The following NR2F1-AS1 variants were observed in gnomAD, a reference collection of about 807,000 sequenced individuals.
NR2F1-AS1 encodes NR2F1 antisense RNA 1.
At chr5:93,435,595 G>C (rs1749416750) in intron 4 of NR2F1-AS1, among the ~76,000 whole-genome samples, 1 of 152,136 alleles carries the variant, frequency 6.6e-6, no homozygotes, top group South Asian at 2.1e-4. Context: ...GCAAACTACT[G>C]GGTATGCTCC....
intron 4 of NR2F1-AS1, among the ~76,000 whole-genome samples, chr5:93,482,843 C>A (rs1268206477): frequency 1.3e-5 from 2 of 152,316 alleles, no homozygotes; most frequent in African/African-American, 4.8e-5. Flanking sequence ...TGGGAAGTTC[C>A]AACTGGGCAG....
At chr5:93,529,663 A>G (rs1044495757) in intron 4 of NR2F1-AS1, among the ~76,000 whole-genome samples, 9 of 152,118 alleles carry the variant, frequency 5.9e-5, no homozygotes, top group African/African-American at 1.9e-4. Context: ...CTTGTTCTCA[A>G]TTCAAACCCA....
intron 4 of NR2F1-AS1, among the ~76,000 whole-genome samples, chr5:93,513,342 T>C (rs1032676515): frequency 2.6e-5 from 4 of 152,288 alleles, no homozygotes; most frequent in African/African-American, 9.6e-5. Flanking sequence ...TAAACTGTTC[T>C]ACCAAAAAGA....
chr5:93,499,825 GC>G (rs1303371594), intron 4 of NR2F1-AS1, among the ~76,000 whole-genome samples: 2 of 152,162 alleles, frequency 1.3e-5, no homozygotes, highest in African/African-American at 4.8e-5. Flanking sequence ...TGATAAGAAA[GC>G]AAAACAGCCT....
At chr5:93,508,962 G>A (rs1751241415) in intron 4 of NR2F1-AS1, among the ~76,000 whole-genome samples, 1 of 152,002 alleles carries the variant, frequency 6.6e-6, no homozygotes, top group African/African-American at 2.4e-5. Context: ...GCTACATCAG[G>A]CAAAGTTGAT....
Position 93,421,395 on chromosome 5 carries a change from G to A in NR2F1-AS1, n.639-25853C>T, listed in dbSNP as rs144257327. On this transcript the variant is annotated intron_variant and non_coding_transcript_variant, in intron 4 of 5. Coordinates refer to ENST00000660523, the Ensembl canonical transcript of NR2F1-AS1. ...AAAAAAAAAAAGAGGGAAAAGCTTC[G>A]TATTTTTCAACAGTCCCCAAAGTTA... 2.1e-3 allele frequency among the ~76,000 whole-genome samples: 318 copies of A among 150,950 alleles called. 3 individuals are homozygous for A. Among genetic ancestry groups the A allele is most frequent in the Admixed American group, 4.9e-3 (75 of 15,158 alleles).
At chr5:93,499,606 G>A (rs928371408) in intron 4 of NR2F1-AS1, among the ~76,000 whole-genome samples, 26 of 151,886 alleles carry the variant, frequency 1.7e-4, no homozygotes, top group African/African-American at 6.3e-4. Context: ...CTCTCTCCTT[G>A]GGCCTCCCTA....
At chr5:93,545,126 G>C (rs1319461956) in intron 4 of NR2F1-AS1, among the ~76,000 whole-genome samples, 1 of 152,036 alleles carries the variant, frequency 6.6e-6, no homozygotes, top group Admixed American at 6.6e-5. Flanking sequence ...GAAGCAGGGA[G>C]GAACACTTAA....
intron 4 of NR2F1-AS1, among the ~76,000 whole-genome samples, chr5:93,446,930 C>T (rs999845725): frequency 1.3e-5 from 2 of 152,038 alleles, no homozygotes; most frequent in African/African-American, 4.8e-5. Flanking sequence ...TTTGACAAAC[C>T]TGACAAAAAC....
chr5:93,495,272 T>C (rs1021054475), intron 4 of NR2F1-AS1, among the ~76,000 whole-genome samples: 1 of 152,192 alleles, frequency 6.6e-6, no homozygotes, highest in Non-Finnish European at 1.5e-5. Context: ...TTTACATACA[T>C]GTGGTTGTTC....
At position 93,440,231 on chromosome 5, in the gene NR2F1-AS1, C is replaced by T. The variant is rs549723280; in HGVS notation, n.639-44689G>A. Among the ~76,000 whole-genome samples, 39 of 152,150 alleles carry T rather than the reference C, an allele frequency of 2.6e-4. No homozygotes were observed. In the South Asian group the frequency reaches 6.0e-3, roughly 24 times the overall value. The stretch of plus-strand genomic sequence containing the variant: ...TCTCTCTCTCTCTCACACACACACA[C>T]ACACAGAGAAAGTTAATTTTATGTA... On this transcript the variant is annotated intron_variant and non_coding_transcript_variant, in intron 4 of 5. Transcript: ENST00000660523.
At chr5:93,490,906 T>C (rs1455042968) in intron 4 of NR2F1-AS1, among the ~76,000 whole-genome samples, 1 of 146,498 alleles carries the variant, frequency 6.8e-6, no homozygotes, top group Non-Finnish European at 1.5e-5. Context: ...GTGGTAGTGG[T>C]GGTGGTGATG....
chr5:93,421,949 C>T (rs1488093342), intron 4 of NR2F1-AS1, among the ~76,000 whole-genome samples: 1 of 152,188 alleles, frequency 6.6e-6, no homozygotes, highest in Admixed American at 6.5e-5. Flanking sequence ...AGAAGCTTCA[C>T]ACTGAATCTT....
At chr5:93,419,719 GGTTTCTAAA>G (rs1316587060) in intron 4 of NR2F1-AS1, among the ~76,000 whole-genome samples, 2 of 152,182 alleles carry the variant, frequency 1.3e-5, no homozygotes, top group Non-Finnish European at 1.5e-5. Flanking sequence ...TATGTGTTGA[GGTTTCTAAA>G]GGATTCTGCA....
intron 4 of NR2F1-AS1, among the ~76,000 whole-genome samples, chr5:93,529,688 T>C (rs2149899616): frequency 1.3e-5 from 2 of 152,250 alleles, no homozygotes; most frequent in Admixed American, 1.3e-4. Context: ...GATACTGTAG[T>C]AAAACTCTAA....
intron 4 of NR2F1-AS1, among the ~76,000 whole-genome samples, chr5:93,499,161 A>T (rs578077076): frequency 6.6e-6 from 1 of 152,310 alleles, no homozygotes; most frequent in Non-Finnish European, 1.5e-5. Flanking sequence ...TTTTAATTAT[A>T]AGATACATCC....
chr5:93,522,902 C>T (rs1442145291), intron 4 of NR2F1-AS1, among the ~76,000 whole-genome samples: 1 of 152,048 alleles, frequency 6.6e-6, no homozygotes, highest in Non-Finnish European at 1.5e-5. Flanking sequence ...GGGTTTCAAG[C>T]ACAAACCTGG....
chr5:93,561,161 T>C (rs12518830), intron 2 of NR2F1-AS1, among the ~76,000 whole-genome samples: 6,571 of 152,102 alleles, frequency 0.043, 358 homozygotes, highest in Admixed American at 0.16. Flanking sequence ...TAATCCCAGC[T>C]ACTAGGGATG....
At chr5:93,456,567 AGCCTTTTTGTAGAAACTG>A (rs1561446904) in intron 4 of NR2F1-AS1, among the ~76,000 whole-genome samples, 1 of 152,206 alleles carries the variant, frequency 6.6e-6, no homozygotes, top group Non-Finnish European at 1.5e-5. Flanking sequence ...AATCCTAGTA[AGCCTTTTTGTAGAAACTG>A]GCATGCTTAT....
Sources: gnomAD v4.1 joint callset for allele counts (sites outside exome capture counted in the v4.1 genomes callset) on GRCh38, gnomAD v4.1.1 for gene constraint, MANE v1.5 for transcripts, NCBI Gene and HGNC (gene_info 2026-07-23, HGNC 2026-07-21) for gene names.